Variants in PEBP4 observed in about 807,000 individuals in gnomAD.
PEBP4 encodes the protein phosphatidylethanolamine binding protein 4.
PEBP4 carries 22 observed loss-of-function variants against 23.9 expected under a neutral mutation model. The ratio of observed to expected loss-of-function variants is 0.92; its 90% CI spans 0.66 to 1.31. The LOEUF (loss-of-function observed/expected upper bound fraction) is 1.31, where lower values mean the gene tolerates loss of function less well. Among genes scored for constraint, PEBP4 ranks in the 40% most tolerant of loss-of-function variants. The pLI is 0.00. For missense variants in PEBP4, 324 were observed against 281.7 expected (o/e 1.15, Z -1.07); for synonymous variants, 112 against 99.3 (o/e 1.13, Z -0.76).
At chr8:22,829,072 G>A (rs926504241) in intron 3 of PEBP4, among the ~76,000 whole-genome samples, 1 of 152,176 alleles carries the variant, frequency 6.6e-6, no homozygotes, top group Admixed American at 6.5e-5. Context: ...AGTGGGAGCT[G>A]ATAATTTTGC....
At chr8:22,939,459 A>G (rs2430817) in intron 1 of PEBP4, among the ~76,000 whole-genome samples, 13,236 of 152,134 alleles carry the variant, frequency 0.087, 730 homozygotes, top group Middle Eastern at 0.16. Flanking sequence ...TATTATTCTT[A>G]ATTGGCCTTA....
chr8:22,845,912 G>T (rs1444447392), intron 3 of PEBP4, among the ~76,000 whole-genome samples: 1 of 152,226 alleles, frequency 6.6e-6, no homozygotes, highest in Non-Finnish European at 1.5e-5. Context: ...GACTGGCGTG[G>T]TCAGCCAGGC....
chr8:22,847,455 G>T (rs1807461700), intron 3 of PEBP4, among the ~76,000 whole-genome samples: 1 of 152,124 alleles, frequency 6.6e-6, no homozygotes, highest in Non-Finnish European at 1.5e-5. Flanking sequence ...ACCATCATGG[G>T]GTGGCAGGAA....
chr8:22,892,448 G>A (rs2457434), intron 3 of PEBP4, among the ~76,000 whole-genome samples: 115,977 of 152,112 alleles, frequency 0.76, 46,594 homozygotes, highest in East Asian at 1. Flanking sequence ...TTCATTCCTG[G>A]TGGAATAATT....
At chr8:22,864,705 T>A (rs1807849291) in intron 3 of PEBP4, among the ~76,000 whole-genome samples, 1 of 152,014 alleles carries the variant, frequency 6.6e-6, no homozygotes, top group Non-Finnish European at 1.5e-5. Flanking sequence ...GGACTAAAAA[T>A]AGAGTTGTGT....
intron 6 of PEBP4, 100 bp downstream of exon 6, chr8:22,724,743 G>T: frequency 1.2e-6 from 1 of 852,740 alleles, no homozygotes; most frequent in Non-Finnish European, 1.9e-6. Flanking sequence ...CAAGGCTCAT[G>T]AGTGGGGGTC....
intron 3 of PEBP4, among the ~76,000 whole-genome samples, chr8:22,864,729 C>T (rs1425294022): frequency 6.6e-6 from 1 of 152,248 alleles, no homozygotes; most frequent in African/African-American, 2.4e-5. Flanking sequence ...ACCTTCTCGG[C>T]AGAGCTCAGG....
chr8:22,899,167 T>G lies in PEBP4; in HGVS notation c.258+21017A>C, dbSNP rs145452294. ...CATTGTTGGGAAGATTAAATGATGATGATACATAAAGAATATAGCCCTGCC... is the reference window on the plus strand; with the variant it reads ...CATTGTTGGGAAGATTAAATGATGAGGATACATAAAGAATATAGCCCTGCC... On this transcript the variant is annotated intron_variant, in intron 3 of 6. Coordinates refer to ENST00000256404, the MANE Select transcript of PEBP4 (RefSeq NM_144962.3). Among the ~76,000 whole-genome samples the G allele has an allele frequency of 3.0e-3, 456 of 152,344 alleles. 1 individual carries two copies. Among genetic ancestry groups the G allele is most frequent in the Non-Finnish European group, 5.4e-3 (367 of 68,034 alleles).
chr8:22,928,052 C>T (rs1219544784), upstream of PEBP4: 1 of 271,140 alleles, frequency 3.7e-6, no homozygotes, highest in Non-Finnish European at 7.0e-6. Context: ...ATATAAGCTC[C>T]TCGGTGCAGC....
At chr8:22,825,045 G>A (rs931080948) in intron 3 of PEBP4, among the ~76,000 whole-genome samples, 3 of 152,224 alleles carry the variant, frequency 2.0e-5, no homozygotes, top group Non-Finnish European at 2.9e-5. Flanking sequence ...CAGAAGAGAC[G>A]TTTTCAAAGA....
intron 4 of PEBP4, among the ~76,000 whole-genome samples, chr8:22,763,983 G>C (rs1338289083): frequency 6.6e-6 from 1 of 152,168 alleles, no homozygotes; most frequent in African/African-American, 2.4e-5. Context: ...CGTGTAATTT[G>C]TCTTCGGAGC....
At chr8:22,743,033 G>C (rs1371852347) in intron 4 of PEBP4, among the ~76,000 whole-genome samples, 1 of 152,146 alleles carries the variant, frequency 6.6e-6, no homozygotes, top group Non-Finnish European at 1.5e-5. Context: ...GCTTGGTTGG[G>C]GCAGGCGGTG....
intron 2 of PEBP4, among the ~76,000 whole-genome samples, chr8:22,923,844 G>C (rs1156270454): frequency 1.3e-5 from 2 of 152,114 alleles, no homozygotes; most frequent in South Asian, 2.1e-4. Flanking sequence ...TTGAAGCAGA[G>C]AGCAACCTTG....
At chr8:22,908,607 G>A (rs1808867225) in intron 3 of PEBP4, among the ~76,000 whole-genome samples, 1 of 152,142 alleles carries the variant, frequency 6.6e-6, no homozygotes, top group Admixed American at 6.5e-5. Flanking sequence ...TTTAAACTCA[G>A]GTCTGTGCAA....
rs1489147121 is a variant in PEBP4 at position 22,713,301 on chromosome 8, G to C, written c.*69C>G. The C allele has an allele frequency of 6.6e-7, 1 of 1,505,058 alleles. No homozygotes were observed. The highest frequency in any genetic ancestry group is 8.9e-7 in the Non-Finnish European group (1 of 1,129,046). 93.2% of individuals were successfully genotyped at this position (1,505,058 alleles called of 1,614,324 possible). A position where few individuals can be genotyped will look rare whatever the true frequency, so the allele number is the denominator to read the frequency against. On this transcript the variant is annotated 3_prime_UTR_variant, in exon 7 of 7. Transcript: ENST00000256404. ...GAAAAGAAGGGGTTCTGTATCCAGA[G>C]GGGGTTCCATACCCACATCGTCGGT... is the stretch of plus-strand genomic sequence containing the variant.
intron 3 of PEBP4, among the ~76,000 whole-genome samples, chr8:22,891,171 C>T (rs1327437915): frequency 6.6e-6 from 1 of 152,194 alleles, no homozygotes; most frequent in African/African-American, 2.4e-5. Flanking sequence ...GCATAATGAC[C>T]TTGACACAAT....
At chr8:22,723,086 G>A (rs899133727) in intron 6 of PEBP4, among the ~76,000 whole-genome samples, 5 of 152,210 alleles carry the variant, frequency 3.3e-5, no homozygotes, top group Admixed American at 3.3e-4. Context: ...CAGCCTGGGA[G>A]GGCCATTTTA....
chr8:22,723,598 AG>A (rs1804563102), intron 6 of PEBP4, among the ~76,000 whole-genome samples: 1 of 152,228 alleles, frequency 6.6e-6, no homozygotes, highest in African/African-American at 2.4e-5. Context: ...ATCGGTAGCC[AG>A]GGTGCTGGAG....
intron 3 of PEBP4, among the ~76,000 whole-genome samples, chr8:22,840,428 A>G (rs1015381447): frequency 5.4e-5 from 8 of 147,846 alleles, no homozygotes; most frequent in African/African-American, 2.0e-4. Flanking sequence ...TTTTTTAAAG[A>G]TGGGGTCTTA....
Sources: allele counts gnomAD v4.1 joint callset (sites outside exome capture counted in the v4.1 genomes callset), GRCh38; gene constraint gnomAD v4.1.1; transcripts MANE v1.5; gene names NCBI Gene and HGNC (gene_info 2026-07-23, HGNC 2026-07-21).